Variants in DGKB observed in about 807,000 individuals in gnomAD.
DGKB encodes 90 kDa diacylglycerol kinase.
DGKB carries 67 observed loss-of-function variants against 114.3 expected under a neutral mutation model. That is an observed-to-expected ratio of 0.59 (90% CI 0.48 to 0.72). The LOEUF (loss-of-function observed/expected upper bound fraction) is 0.72, where lower values mean the gene tolerates loss of function less well. DGKB is among the 30% of genes least tolerant of loss of function. The pLI is 0.00. For synonymous variants in DGKB, 398 were observed against 323.1 expected, an observed-to-expected ratio of 1.23 and a Z score of -2.49; for missense variants, 907 against 975.2, an observed-to-expected ratio of 0.93 and a Z score of 0.93.
At chr7:14,234,414 A>G (rs938567887) in intron 23 of DGKB, among the ~76,000 whole-genome samples, 3 of 152,110 alleles carry the variant, frequency 2.0e-5, no homozygotes, top group African/African-American at 7.2e-5. Context: ...TCTTAGCAGT[A>G]AAATATCCCC....
chr7:14,780,562 T>C (rs955113694), intron 2 of DGKB, among the ~76,000 whole-genome samples: 7 of 152,186 alleles, frequency 4.6e-5, no homozygotes, highest in Admixed American at 4.6e-4. Flanking sequence ...CTTATTCTTA[T>C]ATTCAATCAG....
chr7:14,432,875 C>T (rs985007630), intron 21 of DGKB, among the ~76,000 whole-genome samples: 74 of 152,036 alleles, frequency 4.9e-4, no homozygotes, highest in Middle Eastern at 3.2e-3. Context: ...TCAAGTAACA[C>T]GCTCCAAAGG....
At chr7:14,542,188 A>T (rs976189974) in intron 20 of DGKB, among the ~76,000 whole-genome samples, 1 of 151,776 alleles carries the variant, frequency 6.6e-6, no homozygotes, top group Non-Finnish European at 1.5e-5. Context: ...TATTATCATT[A>T]TTATTATTAT....
chr7:14,953,005 G>C (rs1346670343), intron 1 of DGKB, among the ~76,000 whole-genome samples: 2 of 151,924 alleles, frequency 1.3e-5, no homozygotes, highest in East Asian at 1.9e-4. Flanking sequence ...AATTGAACAT[G>C]CAAAAGTATG....
intron 1 of DGKB, among the ~76,000 whole-genome samples, chr7:14,941,123 T>C (rs900817264): frequency 6.6e-6 from 1 of 152,108 alleles, no homozygotes; most frequent in Non-Finnish European, 1.5e-5. Context: ...GATGAATTAC[T>C]TATTCTTGCT....
intron 21 of DGKB, 43 bp downstream of exon 21, chr7:14,478,118 T>A (rs2128905186): frequency 7.2e-7 from 1 of 1,397,686 alleles, no homozygotes; most frequent in Non-Finnish European, 1.0e-6. Flanking sequence ...TATGGCAAAA[T>A]TCAGCAACTA....
chr7:14,524,816 G>A (rs1341190312), intron 20 of DGKB, among the ~76,000 whole-genome samples: 4 of 150,844 alleles, frequency 2.7e-5, no homozygotes, highest in Middle Eastern at 3.4e-3. Context: ...ATAAGACCAC[G>A]AAAATACTAA....
At chr7:14,257,601 T>G (rs36095426) in intron 23 of DGKB, among the ~76,000 whole-genome samples, 70,096 of 152,032 alleles carry the variant, frequency 0.46, 18,222 homozygotes, top group Non-Finnish European at 0.59. Context: ...GGCTTCATAC[T>G]GGGCTTTTTC....
At chr7:14,256,947 C>T (rs1039267451) in intron 23 of DGKB, among the ~76,000 whole-genome samples, 1 of 152,024 alleles carries the variant, frequency 6.6e-6, no homozygotes, top group East Asian at 1.9e-4. Flanking sequence ...GGGAGAATTG[C>T]TGGAGCCCAG....
At chr7:14,406,237 T>G (rs950867830) in intron 21 of DGKB, among the ~76,000 whole-genome samples, 1 of 151,888 alleles carries the variant, frequency 6.6e-6, no homozygotes, top group African/African-American at 2.4e-5. Flanking sequence ...AAATGCAGTC[T>G]AAGAATTCAA....
At chr7:14,691,088 CA>C (rs1563923058) in intron 9 of DGKB, among the ~76,000 whole-genome samples, 2 of 152,092 alleles carry the variant, frequency 1.3e-5, no homozygotes. Flanking sequence ...ATTTTGGTAC[CA>C]AAATAGATAT....
chr7:14,543,772 G>C (rs1229531167), intron 20 of DGKB, among the ~76,000 whole-genome samples: 1 of 152,140 alleles, frequency 6.6e-6, no homozygotes, highest in Non-Finnish European at 1.5e-5. Context: ...TCAAGACACT[G>C]CTAGCTCAGA....
chr7:14,720,701 A>G (rs1829030015), intron 5 of DGKB, among the ~76,000 whole-genome samples: 1 of 152,118 alleles, frequency 6.6e-6, no homozygotes, highest in Admixed American at 6.5e-5. Context: ...TTTTACATTA[A>G]TTCTACTTCT....
In DGKB at chr7:14,683,108, A is replaced by C. The variant is rs75243219; in HGVS notation, c.830-267T>G. 6.5e-3 allele frequency among the ~76,000 whole-genome samples: 990 copies of C among 152,304 alleles called. 16 individuals are homozygous for C. The highest frequency in any genetic ancestry group is 0.023 in the African/African-American group (962 of 41,564). On this transcript the variant is annotated intron_variant, in intron 10 of 25. Coordinates refer to ENST00000402815, the MANE Select transcript of DGKB (RefSeq NM_001350709.2). The stretch of plus-strand genomic sequence containing the variant: ...TGCTTAATTAAATCAGTCCTCACTC[A>C]AATTTTTCACAATAATTCCCAGATG...
Position 14,579,751 on chromosome 7 carries a change from A to C in DGKB, c.1609+1111T>G, listed in dbSNP as rs374087889. On this transcript the variant is annotated intron_variant, in intron 19 of 25. Transcript: ENST00000402815. The stretch of plus-strand genomic sequence containing the variant: ...CAGATATTCATGGAATTATTCTCCA[A>C]CTTTGCCGTAAATCAGAGTTACTTA... 5.3e-5 allele frequency among the ~76,000 whole-genome samples: 8 copies of C among 152,196 alleles called. No individual in the cohort carries two copies. The East Asian group carries it at 1.4e-3, about 26-fold the overall frequency.
intron 1 of DGKB, among the ~76,000 whole-genome samples, chr7:14,847,470 A>G (rs1363262838): frequency 1.3e-5 from 2 of 152,176 alleles, no homozygotes; most frequent in African/African-American, 4.8e-5. Context: ...TGGAATATAA[A>G]TTCTATAGGT....
chr7:14,842,600 G>A (rs1848089080), intron 1 of DGKB, among the ~76,000 whole-genome samples: 1 of 152,160 alleles, frequency 6.6e-6, no homozygotes, highest in Non-Finnish European at 1.5e-5. Context: ...CTTCCACCCA[G>A]TTTCCTTCTG....
intron 20 of DGKB, among the ~76,000 whole-genome samples, chr7:14,557,514 A>G (rs1043362865): frequency 2.0e-5 from 3 of 151,940 alleles, no homozygotes; most frequent in Admixed American, 6.6e-5. Context: ...TTGCATCTTA[A>G]CTTTCTATTT....
chr7:14,355,804 G>A (rs556129972), intron 21 of DGKB, among the ~76,000 whole-genome samples: 1 of 152,140 alleles, frequency 6.6e-6, no homozygotes, highest in Non-Finnish European at 1.5e-5. Flanking sequence ...AATGAGTTAG[G>A]GAAGACTCCC....
Sources: allele counts gnomAD v4.1 joint callset (sites outside exome capture counted in the v4.1 genomes callset), GRCh38; gene constraint gnomAD v4.1.1; transcripts MANE v1.5; gene names NCBI Gene and HGNC (gene_info 2026-07-23, HGNC 2026-07-21).